The following TDP1 variants were observed in gnomAD, a reference collection of about 807,000 sequenced individuals.
The protein encoded by TDP1 is tyr-DNA phosphodiesterase 1.
In TDP1, 64 loss-of-function variants were observed where a neutral mutation model predicts 81.5. The observed-to-expected ratio is 0.79, with a 90% CI of 0.64 to 0.97. The LOEUF (loss-of-function observed/expected upper bound fraction) is 0.97. TDP1 is among the 50% of genes least tolerant of loss of function. The pLI, the probability that TDP1 is intolerant of heterozygous loss-of-function variation, is 0.00. For missense variants in TDP1, 723 were observed against 743.8 expected (o/e 0.97, Z 0.33); for synonymous variants, 256 against 264.3 (o/e 0.97, Z 0.30).
In TDP1 at chr14:90,013,364, T is replaced by G. The variant is rs181109700; in HGVS notation, c.1542-5952T>G. Among the ~76,000 whole-genome samples the G allele has an allele frequency of 9.4e-4, 143 of 152,014 alleles. 2 individuals carry two copies. The Middle Eastern group carries it at 0.01, about 11-fold the overall frequency. On this transcript the variant is annotated intron_variant, in intron 14 of 16. Coordinates refer to ENST00000335725, the MANE Select transcript of TDP1 (RefSeq NM_018319.4). ...GTCATGGGAGGGACCTGGTGGGAGG[T>G]AATTGAATCATGGGAGTGGGTTTTC...
intron 14 of TDP1, among the ~76,000 whole-genome samples, chr14:90,012,456 C>T (rs1295598681): frequency 1.3e-5 from 2 of 151,500 alleles, no homozygotes; most frequent in Admixed American, 6.6e-5. Context: ...TCCACACTGC[C>T]ATAGCAAAGG....
intron 15 of TDP1, chr14:90,032,642 A>G: frequency 1.4e-6 from 1 of 694,862 alleles, no homozygotes. Flanking sequence ...TTTCATTTTT[A>G]TACTTCTGTC....
chr14:90,028,372 A>G lies in TDP1; in HGVS notation c.1645-4734A>G, dbSNP rs1190881529. Among the ~76,000 whole-genome samples, 3 of 152,184 alleles carry G rather than the reference A, an allele frequency of 2.0e-5. No individual in the cohort carries two copies. In the South Asian group the frequency reaches 6.2e-4, roughly 32 times the overall value. ...AATAAAAACATAAATTACATCTCTA[A>G]CTGAAACTGAAGCATGCCTCCTGTT... On this transcript the variant is annotated intron_variant, in intron 15 of 16. Transcript: ENST00000335725.
At chr14:90,026,390 G>A (rs954150567) in intron 15 of TDP1, among the ~76,000 whole-genome samples, 5 of 152,188 alleles carry the variant, frequency 3.3e-5, no homozygotes, top group South Asian at 2.1e-4. Flanking sequence ...ATAAAGCCAC[G>A]GCCCTTGCAT....
intron 14 of TDP1, among the ~76,000 whole-genome samples, chr14:90,013,156 A>G (rs1884915114): frequency 6.6e-6 from 1 of 152,186 alleles, no homozygotes; most frequent in Non-Finnish European, 1.5e-5. Flanking sequence ...GAGTCTTCAG[A>G]CTGTAGACTT....
chr14:90,020,644 C>T (rs1885966802), intron 15 of TDP1, among the ~76,000 whole-genome samples: 1 of 108,274 alleles, frequency 9.2e-6, no homozygotes, highest in Admixed American at 9.5e-5. Context: ...GCCTTCCTTC[C>T]TCCCTCCCTC....
chr14:89,979,247 GAAAAT>G (rs1357901984), intron 7 of TDP1, among the ~76,000 whole-genome samples: 2 of 151,800 alleles, frequency 1.3e-5, no homozygotes, highest in Admixed American at 6.6e-5. Flanking sequence ...TATTAGATGA[GAAAAT>G]AAAGCTGTGT....
intron 3 of TDP1, chr14:89,964,821 C>T (rs2139958594): frequency 2.3e-6 from 1 of 430,786 alleles, no homozygotes; most frequent in Admixed American, 2.7e-5. Flanking sequence ...GATAGGAGCT[C>T]TTACATATAT....
chr14:89,966,125 G>T, intron 3 of TDP1, 22 bp from the exon 4 acceptor site: 1 of 1,543,774 alleles, frequency 6.5e-7, no homozygotes, highest in South Asian at 1.1e-5. Flanking sequence ...GTGTGAATTT[G>T]ATATATGTTT....
intron 6 of TDP1, among the ~76,000 whole-genome samples, chr14:89,974,217 A>G (rs1007310390): frequency 7.2e-5 from 11 of 152,216 alleles, no homozygotes; most frequent in African/African-American, 2.7e-4. Flanking sequence ...GACTTGGTGC[A>G]CTAGCCCAAA....
At chr14:89,989,674 A>G (rs567353377) in intron 11 of TDP1, 43 bp from the exon 12 acceptor site, 2 of 1,473,784 alleles carry the variant, frequency 1.4e-6, no homozygotes, top group African/African-American at 1.4e-5. Flanking sequence ...CTTTTCTTCA[A>G]CATGGTACAT....
chr14:89,977,241 AT>A (rs1263522042), intron 7 of TDP1, among the ~76,000 whole-genome samples: 1 of 152,224 alleles, frequency 6.6e-6, no homozygotes, highest in Non-Finnish European at 1.5e-5. Flanking sequence ...TTGAAATGAC[AT>A]TATCTTGTAG....
intron 5 of TDP1, among the ~76,000 whole-genome samples, chr14:89,969,376 T>A (rs1893318876): frequency 6.6e-6 from 1 of 152,170 alleles, no homozygotes; most frequent in Admixed American, 6.5e-5. Flanking sequence ...TTAAGTAACA[T>A]CCAGAATTTG....
chr14:89,994,168 T>G (rs1596582285), intron 14 of TDP1, among the ~76,000 whole-genome samples: 1 of 152,330 alleles, frequency 6.6e-6, no homozygotes, highest in East Asian at 1.9e-4. Flanking sequence ...ATAATTAATG[T>G]CAATAGCAAC....
chr14:90,029,913 A>G (rs1442779999), intron 15 of TDP1, among the ~76,000 whole-genome samples: 1 of 152,312 alleles, frequency 6.6e-6, no homozygotes, highest in East Asian at 1.9e-4. Context: ...AAATACTTAT[A>G]ATTATACTCA....
rs772139596 is a variant in TDP1 at position 90,043,115 on chromosome 14, C to T, written c.1799C>T (p.Thr600Met). 3.9e-5 allele frequency: 63 copies of T among 1,614,018 alleles called. No homozygotes were observed. The highest frequency in any genetic ancestry group is 1.1e-4 in the African/African-American group (8 of 74,896). The change falls in exon 17 of 17, where the codon ACG becomes ATG. Residue 600 changes from threonine to methionine, a missense_variant. Physicochemically the swap from Thr to Met is moderately conservative, Grantham distance 81. Coordinates refer to ENST00000335725, the MANE Select transcript of TDP1 (RefSeq NM_018319.4). Reference protein sequence around the residue: ...WNIPYVKAPDTHGNMWVPS With the variant: ...WNIPYVKAPDMHGNMWVPS ...ATTCCTTATGTCAAAGCACCGGATA[C>T]GCATGGGAACATGTGGGTGCCCTCC...
intron 11 of TDP1, 106 bp downstream of exon 11, chr14:89,989,196 T>A: frequency 1.6e-5 from 4 of 250,374 alleles, no homozygotes; most frequent in Non-Finnish European, 2.5e-5. Flanking sequence ...TCTGTGATTC[T>A]TTTTTTTTTT....
At chr14:89,965,834 C>G in intron 3 of TDP1, 1 of 984,832 alleles carries the variant, frequency 1.0e-6, no homozygotes, top group Non-Finnish European at 1.2e-6. Context: ...GGTAGAAGTT[C>G]AGAGATCTGA....
intron 6 of TDP1, among the ~76,000 whole-genome samples, chr14:89,975,213 C>G (rs1894142232): frequency 6.6e-6 from 1 of 152,120 alleles, no homozygotes; most frequent in Non-Finnish European, 1.5e-5. Context: ...GTAGCTGGGA[C>G]TACAGGCGCT....
Sources: gnomAD v4.1 joint callset for allele counts (sites outside exome capture counted in the v4.1 genomes callset) on GRCh38, gnomAD v4.1.1 for gene constraint, MANE v1.5 for transcripts, NCBI Gene and HGNC (gene_info 2026-07-23, HGNC 2026-07-21) for gene names.